FAM178B: variants seen among roughly 807,000 people sequenced by gnomAD.
The protein encoded by FAM178B is family with sequence similarity 178 member B, also known as protein FAM178B.
In FAM178B, 82 loss-of-function variants were observed where a neutral mutation model predicts 91.7. That is an observed-to-expected ratio of 0.89 (90% CI 0.75 to 1.07). The LOEUF (loss-of-function observed/expected upper bound fraction) is 1.07, where lower values mean the gene tolerates loss of function less well. FAM178B is among the 50% of genes least tolerant of loss of function. The pLI is 0.00. For synonymous variants in FAM178B, 368 were observed against 359.4 expected (o/e 1.02, Z -0.27); for missense variants, 769 against 846.7 (o/e 0.91, Z 1.14).
chr2:96,960,798 G>A (rs1029209936), intron 5 of FAM178B, among the ~76,000 whole-genome samples: 4 of 152,160 alleles, frequency 2.6e-5, no homozygotes, highest in African/African-American at 4.8e-5. Context: ...AACAAATCAC[G>A]GCAATCCCCT....
At chr2:96,936,846 G>C (rs554813137) in intron 8 of FAM178B, among the ~76,000 whole-genome samples, 18 of 151,842 alleles carry the variant, frequency 1.2e-4, no homozygotes, top group South Asian at 1.0e-3. Context: ...ACAACAGGAG[G>C]GGGGTCTCCA....
chr2:96,934,332 G>C (rs1175596120), intron 8 of FAM178B, among the ~76,000 whole-genome samples: 1 of 152,212 alleles, frequency 6.6e-6, no homozygotes. Flanking sequence ...GTTGAGCAAG[G>C]AGCCCAGGGT....
At chr2:96,950,430 C>T (rs1397480221) in intron 7 of FAM178B, among the ~76,000 whole-genome samples, 4 of 152,158 alleles carry the variant, frequency 2.6e-5, no homozygotes, top group East Asian at 3.9e-4. Context: ...ACCCAGAGCA[C>T]GAAGGGAGAG....
intron 5 of FAM178B, among the ~76,000 whole-genome samples, chr2:96,962,940 A>G (rs2082101808): frequency 6.6e-6 from 1 of 152,138 alleles, no homozygotes; most frequent in Non-Finnish European, 1.5e-5. Flanking sequence ...CTGGCTTTGT[A>G]CACTGGTGAA....
chr2:96,896,291 C>T (rs1490241055), intron 13 of FAM178B, among the ~76,000 whole-genome samples: 1 of 152,208 alleles, frequency 6.6e-6, no homozygotes, highest in African/African-American at 2.4e-5. Context: ...CTTGGCTGTG[C>T]TCAGTGCAGC....
intron 6 of FAM178B, among the ~76,000 whole-genome samples, chr2:96,959,410 A>G (rs2082049068): frequency 6.6e-6 from 1 of 152,178 alleles, no homozygotes; most frequent in Non-Finnish European, 1.5e-5. Context: ...TCAGAATGTT[A>G]ACAGTAATCT....
intron 5 of FAM178B, among the ~76,000 whole-genome samples, chr2:96,964,175 A>G (rs952111717): frequency 1.3e-5 from 2 of 150,480 alleles, no homozygotes; most frequent in African/African-American, 2.5e-5. Flanking sequence ...ATCTTGGGGG[A>G]AAAATAAAAT....
rs1167241463 is a variant in FAM178B at position 96,982,239 on chromosome 2, T to C, written c.73+4002A>G. Among the ~76,000 whole-genome samples the C allele has an allele frequency of 3.3e-5, 5 of 152,116 alleles. No individual in the cohort carries two copies. In the East Asian group the frequency reaches 7.7e-4, roughly 23 times the overall value. On this transcript the variant is annotated intron_variant, in intron 1 of 16. Coordinates refer to ENST00000490605, the MANE Select transcript of FAM178B (RefSeq NM_001122646.3). ...TACAGTACATAAATATATATATTCA[T>C]ATAGTATATGTACATACTTTATATA...
At chr2:96,898,242 C>A in intron 13 of FAM178B, 2 of 496,434 alleles carry the variant, frequency 4.0e-6, no homozygotes, top group Non-Finnish European at 5.2e-6. Flanking sequence ...GACTAAAGCC[C>A]AAGGACCCAG....
chr2:96,907,963 C>T (rs1225853248), intron 12 of FAM178B, among the ~76,000 whole-genome samples: 1 of 152,226 alleles, frequency 6.6e-6, no homozygotes, highest in Non-Finnish European at 1.5e-5. Context: ...CCTGTTCCAC[C>T]GTGGCAATGC....
rs1372222311 is a variant in FAM178B at position 96,878,346 on chromosome 2, A to AC, written c.1854+69dup. On this transcript the variant is annotated intron_variant, in intron 15 of 16. Transcript: ENST00000490605. ...AGTGGGCTGGGCGCCATCCCAGCCA[A>AC]CCCCCGCCGCTTGGGGGAGAAGACA... 1.2e-3 allele frequency: 1,815 copies of AC among 1,453,602 alleles called. 19 individuals are homozygous for AC. In the East Asian group the frequency reaches 0.028, roughly 23 times the overall value. 90.0% of individuals were successfully genotyped at this position (1,453,602 alleles called of 1,614,324 possible). A position where few individuals can be genotyped will look rare whatever the true frequency, so the allele number is the denominator to read the frequency against.
chr2:96,905,850 A>ATATATGTG (rs2081037117), intron 12 of FAM178B, among the ~76,000 whole-genome samples: 1 of 25,616 alleles, frequency 3.9e-5, no homozygotes, highest in Non-Finnish European at 6.9e-5. Context: ...ATATATATAT[A>ATATATGTG]TATATATATA....
At chr2:96,966,483 C>G (rs528108912) in intron 5 of FAM178B, among the ~76,000 whole-genome samples, 4 of 147,444 alleles carry the variant, frequency 2.7e-5, no homozygotes, top group Admixed American at 6.8e-5. Flanking sequence ...TGCTTGTCTC[C>G]GGAAGGAAAG....
intron 9 of FAM178B, 34 bp from the exon 10 acceptor site, chr2:96,923,617 C>G (rs1377133610): frequency 6.6e-7 from 1 of 1,517,346 alleles, no homozygotes; most frequent in Admixed American, 2.0e-5. Flanking sequence ...CGATGGGAAA[C>G]CCAGGAGGGG....
rs1332173263 is a variant in FAM178B at position 96,971,913 on chromosome 2, A to G, written c.552T>C (p.Ala184=). 1.7e-5 allele frequency: 25 copies of G among 1,496,708 alleles called. No homozygotes were observed. The East Asian group carries it at 6.2e-4, about 37-fold the overall frequency. 92.7% of individuals were successfully genotyped at this position (1,496,708 alleles called of 1,614,324 possible). Residue 184 remains alanine, a synonymous_variant, in exon 3 of 17, where the codon GCT becomes GCC. Coordinates refer to ENST00000490605, the MANE Select transcript of FAM178B (RefSeq NM_001122646.3). ...FWNTSGLSQQ[A]AAPEFSWGGS... ...GACACAGGCTCACCTCTGGGGCCGC[A>G]GCCTGCTGGCTCAGGCCTGACGTGT...
chr2:96,885,353 T>C (rs2080490805), intron 14 of FAM178B, among the ~76,000 whole-genome samples: 4 of 152,250 alleles, frequency 2.6e-5, no homozygotes, highest in African/African-American at 9.6e-5. Flanking sequence ...CACCTGCACC[T>C]CTGGCTTCCT....
chr2:96,958,812 C>T (rs1162932333), intron 6 of FAM178B, among the ~76,000 whole-genome samples: 1 of 144,984 alleles, frequency 6.9e-6, no homozygotes, highest in African/African-American at 2.5e-5. Context: ...ATAGTAATAT[C>T]GAAGTTATGT....
chr2:96,967,703 G>T, intron 4 of FAM178B, 76 bp from the exon 5 acceptor site: 1 of 1,021,636 alleles, frequency 9.8e-7, no homozygotes, highest in Non-Finnish European at 1.5e-6. Flanking sequence ...GGCTGCAGGT[G>T]TTGCCACCAA....
intron 12 of FAM178B, among the ~76,000 whole-genome samples, chr2:96,910,573 T>C (rs2081135828): frequency 1.3e-5 from 2 of 152,230 alleles, no homozygotes; most frequent in Non-Finnish European, 2.9e-5. Context: ...ACTCCTTTTA[T>C]GGCCTTCGGC....
Sources: allele counts gnomAD v4.1 joint callset (sites outside exome capture counted in the v4.1 genomes callset), GRCh38; gene constraint gnomAD v4.1.1; transcripts MANE v1.5; gene names NCBI Gene and HGNC (gene_info 2026-07-23, HGNC 2026-07-21).